NCOA2: variants seen among roughly 807,000 people sequenced by gnomAD.
NCOA2 encodes the protein class E basic helix-loop-helix protein 75.
Under a neutral mutation model 145.1 loss-of-function variants are expected in NCOA2, and 21 were observed. The observed-to-expected ratio is 0.14, with a 90% CI of 0.10 to 0.21. NCOA2 has a LOEUF of 0.21. Ranked by LOEUF, NCOA2 falls within the 10% of genes least tolerant of loss-of-function variation. The pLI is 1.00. For synonymous variants in NCOA2, 619 were observed against 637.5 expected (o/e 0.97, Z 0.44); for missense variants, 1,472 against 1,837.6 (o/e 0.80, Z 3.64).
At chr8:70,233,881 A>G (rs1821363429) in intron 2 of NCOA2, among the ~76,000 whole-genome samples, 1 of 152,182 alleles carries the variant, frequency 6.6e-6, no homozygotes, top group Non-Finnish European at 1.5e-5. Flanking sequence ...CACATGTCGT[A>G]AAATGCAGCA....
chr8:70,143,069 C>A (rs1275159295), intron 13 of NCOA2, among the ~76,000 whole-genome samples: 1 of 151,894 alleles, frequency 6.6e-6, no homozygotes. Flanking sequence ...CCTGCCTCAG[C>A]CTCCTGAGTA....
intron 14 of NCOA2, among the ~76,000 whole-genome samples, chr8:70,139,005 G>A (rs771475214): frequency 2.2e-4 from 33 of 152,250 alleles, no homozygotes; most frequent in Non-Finnish European, 4.7e-4. Flanking sequence ...TCAGGGTGCT[G>A]CACCATGTCG....
At chr8:70,171,128 A>G (rs1485978085) in intron 5 of NCOA2, among the ~76,000 whole-genome samples, 1 of 152,224 alleles carries the variant, frequency 6.6e-6, no homozygotes, top group African/African-American at 2.4e-5. Flanking sequence ...GCTTCCGGTA[A>G]TGAGTTCACA....
chr8:70,277,546 T>C (rs911203558), intron 2 of NCOA2, among the ~76,000 whole-genome samples: 6 of 152,234 alleles, frequency 3.9e-5, no homozygotes, highest in Admixed American at 3.9e-4. Context: ...ATGGTTTCTT[T>C]ACCTTCCTAA....
intron 19 of NCOA2, among the ~76,000 whole-genome samples, chr8:70,126,344 T>C (rs555689570): frequency 6.6e-6 from 1 of 152,202 alleles, no homozygotes; most frequent in Non-Finnish European, 1.5e-5. Context: ...TCATTAATGA[T>C]CTGGTATAAT....
Position 70,112,691 on chromosome 8 carries a change from C to A in NCOA2, c.*941G>T, listed in dbSNP as rs1405121225. ...TACTTAGCAATTGGTAAGTGGCTGG[C>A]AAAACATTTAAGGAAATAAAGGGCT... is the stretch of plus-strand genomic sequence containing the variant. On this transcript the variant is annotated 3_prime_UTR_variant, in exon 23 of 23. Coordinates refer to ENST00000452400, the MANE Select transcript of NCOA2 (RefSeq NM_006540.4). 9.9e-6 allele frequency: 2 copies of A among 201,626 alleles called. No individual in the cohort carries two copies. The highest frequency in any genetic ancestry group is 2.3e-5 in the African/African-American group (1 of 43,356). The allele number at this position is 201,626 out of a possible 1,614,324, so 12.5% of individuals were successfully genotyped here.
At chr8:70,279,775 T>C (rs1376246853) in intron 2 of NCOA2, among the ~76,000 whole-genome samples, 1 of 152,186 alleles carries the variant, frequency 6.6e-6, no homozygotes, top group Non-Finnish European at 1.5e-5. Context: ...AGGGGATTGT[T>C]GACTGTTAAA....
intron 2 of NCOA2, among the ~76,000 whole-genome samples, chr8:70,229,350 T>TA (rs1820935784): frequency 6.6e-6 from 1 of 152,222 alleles, no homozygotes; most frequent in Non-Finnish European, 1.5e-5. Context: ...ACAATATACA[T>TA]AAAAAATACA....
chr8:70,403,615 C>A (rs1814596175), intron 1 of NCOA2, 85 bp downstream of exon 1: 2 of 317,342 alleles, frequency 6.3e-6, no homozygotes, highest in South Asian at 3.2e-4. Flanking sequence ...GAAGGGCAGT[C>A]GCGGCCGGGG....
intron 1 of NCOA2, among the ~76,000 whole-genome samples, chr8:70,333,984 T>A (rs2136333240): frequency 6.6e-6 from 1 of 152,272 alleles, no homozygotes; most frequent in Non-Finnish European, 1.5e-5. Context: ...ACTACCCTAG[T>A]CCAGGTCTTC....
intron 1 of NCOA2, among the ~76,000 whole-genome samples, chr8:70,345,972 C>G (rs558608545): frequency 3.2e-4 from 49 of 152,284 alleles, no homozygotes; most frequent in Non-Finnish European, 5.9e-4. Flanking sequence ...GTTGTAGTCT[C>G]ACGAAATGAC....
chr8:70,427,764 C>A, the NCOA2 span, among the ~76,000 whole-genome samples: 1 of 152,162 alleles, frequency 6.6e-6, no homozygotes, highest in Non-Finnish European at 1.5e-5. Context: ...AGGAGAGGAG[C>A]TCTGTGGTCC....
intron 2 of NCOA2, among the ~76,000 whole-genome samples, chr8:70,290,954 C>A (rs181200099): frequency 8.5e-4 from 130 of 152,264 alleles, no homozygotes; most frequent in African/African-American, 2.9e-3. Context: ...ATTTGCCTTC[C>A]AAAGTGAAAG....
chr8:70,121,249 A>T, intron 22 of NCOA2, 53 bp downstream of exon 22: 1 of 1,463,332 alleles, frequency 6.8e-7, no homozygotes, highest in Non-Finnish European at 9.5e-7. Flanking sequence ...GGTCTATCAA[A>T]TATTCATGTT....
At chr8:70,407,988 A>G (rs1415585602), upstream of NCOA2, among the ~76,000 whole-genome samples, 1 of 152,168 alleles carries the variant, frequency 6.6e-6, no homozygotes, top group African/African-American at 2.4e-5. Context: ...ATCTTAGATT[A>G]AGAACCTCTT....
chr8:70,136,433 A>T (rs970670615), intron 15 of NCOA2, among the ~76,000 whole-genome samples: 1 of 152,314 alleles, frequency 6.6e-6, no homozygotes, highest in East Asian at 1.9e-4. Flanking sequence ...CATGAAAGAC[A>T]GCTATTGTAT....
chr8:70,231,074 T>C (rs760020316), intron 2 of NCOA2, among the ~76,000 whole-genome samples: 21 of 152,230 alleles, frequency 1.4e-4, no homozygotes, highest in Non-Finnish European at 2.5e-4. Flanking sequence ...TACAATAGTC[T>C]TAGAAATGTA....
At chr8:70,241,690 G>A (rs1240835660) in intron 2 of NCOA2, among the ~76,000 whole-genome samples, 4 of 151,842 alleles carry the variant, frequency 2.6e-5, no homozygotes, top group African/African-American at 4.8e-5. Flanking sequence ...TACCTGGGCT[G>A]AAATCCTGCA....
intron 1 of NCOA2, among the ~76,000 whole-genome samples, chr8:70,320,353 T>C (rs1443143197): frequency 3.3e-5 from 5 of 152,140 alleles, no homozygotes; most frequent in African/African-American, 1.2e-4. Flanking sequence ...TGCTTATTAC[T>C]TCCTCAGTTT....
Sources: gnomAD v4.1 joint callset for allele counts (sites outside exome capture counted in the v4.1 genomes callset) on GRCh38, gnomAD v4.1.1 for gene constraint, MANE v1.5 for transcripts, NCBI Gene and HGNC (gene_info 2026-07-23, HGNC 2026-07-21) for gene names.